The following NIPSNAP2 variants were observed in gnomAD, a reference collection of about 807,000 sequenced individuals.
NIPSNAP2 encodes the protein protein NipSnap homolog 2.
In NIPSNAP2, 42 loss-of-function variants were observed where a neutral mutation model predicts 48.4. The ratio of observed to expected loss-of-function variants is 0.87; its 90% confidence interval spans 0.68 to 1.12. The LOEUF (loss-of-function observed/expected upper bound fraction) is 1.12, where lower values mean the gene tolerates loss of function less well. NIPSNAP2 is among the 50% of genes most tolerant of loss of function. NIPSNAP2 has a pLI of 0.00. For synonymous variants in NIPSNAP2, 158 were observed against 126.6 expected (o/e 1.25, Z -1.67); for missense variants, 314 against 347.3 (o/e 0.90, Z 0.76).
At chr7:55,980,097 G>A (rs1207369524) in intron 3 of NIPSNAP2, 2 of 214,020 alleles carry the variant, frequency 9.3e-6, no homozygotes, top group African/African-American at 4.5e-5. Context: ...CGACGAAAAG[G>A]AAATGTTGGA....
intron 1 of NIPSNAP2, among the ~76,000 whole-genome samples, chr7:55,976,145 A>T (rs1301639174): frequency 1.3e-5 from 2 of 152,090 alleles, no homozygotes; most frequent in African/African-American, 2.4e-5. Flanking sequence ...AGGCCCAGTC[A>T]TGTTCCCCAG....
chr7:55,965,798 CT>C (rs1786881060), intron 1 of NIPSNAP2, among the ~76,000 whole-genome samples: 1 of 152,148 alleles, frequency 6.6e-6, no homozygotes, highest in Non-Finnish European at 1.5e-5. Flanking sequence ...TCAGGCTGAT[CT>C]CGAACTCCTG....
chr7:55,966,436 G>T (rs144221512), intron 1 of NIPSNAP2, among the ~76,000 whole-genome samples: 1 of 152,140 alleles, frequency 6.6e-6, no homozygotes, highest in East Asian at 1.9e-4. Flanking sequence ...GTGGAACTCT[G>T]TCCCTAATAA....
chr7:55,983,642 G>C (rs1356095084), intron 5 of NIPSNAP2, 86 bp from the exon 6 acceptor site: 13 of 1,389,908 alleles, frequency 9.4e-6, no homozygotes, highest in Non-Finnish European at 1.2e-5. Flanking sequence ...CCCTATTATA[G>C]TATTCTGTAG....
intron 3 of NIPSNAP2, chr7:55,979,863 G>A (rs1431551857): frequency 4.4e-6 from 2 of 456,392 alleles, no homozygotes; most frequent in Admixed American, 2.4e-5. Context: ...TACAAGTACT[G>A]CCTGCCTTAC....
intron 1 of NIPSNAP2, among the ~76,000 whole-genome samples, chr7:55,977,668 T>G (rs1787130092): frequency 6.6e-6 from 1 of 152,174 alleles, no homozygotes; most frequent in South Asian, 2.1e-4. Context: ...TTTTAACCAT[T>G]TTAAGCATAC....
At chr7:55,975,345 C>T (rs919201508) in intron 1 of NIPSNAP2, among the ~76,000 whole-genome samples, 4 of 151,884 alleles carry the variant, frequency 2.6e-5, no homozygotes, top group Non-Finnish European at 4.4e-5. Flanking sequence ...AGAGTAAGAG[C>T]CTGTCTCAAA....
At chr7:55,980,733 C>T (rs952361887) in intron 3 of NIPSNAP2, 1 of 152,240 alleles carries the variant, frequency 6.6e-6, no homozygotes, top group Non-Finnish European at 1.5e-5. Flanking sequence ...TGGCTTTGTC[C>T]CTGTCCCTGC....
intron 7 of NIPSNAP2, among the ~76,000 whole-genome samples, chr7:55,994,236 G>T (rs1258090236): frequency 4.6e-5 from 7 of 152,172 alleles, no homozygotes; most frequent in Admixed American, 4.6e-4. Flanking sequence ...TTCTGGAGAA[G>T]CAGTGCTTTT....
chr7:55,983,907 G>T (rs763679995), intron 6 of NIPSNAP2, 39 bp downstream of exon 6: 3 of 1,590,948 alleles, frequency 1.9e-6, no homozygotes, highest in African/African-American at 1.3e-5. Context: ...TTACTCCTCT[G>T]TGAAAAAGCA....
intron 3 of NIPSNAP2, 50 bp downstream of exon 3, chr7:55,978,445 TGTTA>T: frequency 2.0e-6 from 3 of 1,474,922 alleles, no homozygotes; most frequent in Non-Finnish European, 2.8e-6. Flanking sequence ...TGACTTTATT[TGTTA>T]GTTAATTCCA....
At chr7:55,989,965 A>G (rs1787410209) in intron 7 of NIPSNAP2, among the ~76,000 whole-genome samples, 1 of 151,464 alleles carries the variant, frequency 6.6e-6, no homozygotes, top group Non-Finnish European at 1.5e-5. Flanking sequence ...AAAAAAAAAA[A>G]AAATTAGCTG....
At chr7:55,969,581 G>A (rs1293349124) in intron 1 of NIPSNAP2, among the ~76,000 whole-genome samples, 2 of 152,276 alleles carry the variant, frequency 1.3e-5, no homozygotes, top group Middle Eastern at 3.4e-3. Context: ...AGTTGTGATC[G>A]TGTTTGTCTG....
At chr7:55,981,306 A>C in intron 3 of NIPSNAP2, 167 bp from the exon 4 acceptor site, 5 of 545,878 alleles carry the variant, frequency 9.2e-6, no homozygotes, top group Non-Finnish European at 1.7e-5. Context: ...GGAATACAAC[A>C]TAATTCAGCT....
At chr7:55,993,267 C>T (rs1264449986) in intron 7 of NIPSNAP2, among the ~76,000 whole-genome samples, 5 of 151,440 alleles carry the variant, frequency 3.3e-5, no homozygotes, top group East Asian at 1.9e-4. Context: ...CCACTGCACT[C>T]CTGAGTGGCA....
At chr7:55,982,584 TA>T (rs1041200732) in intron 5 of NIPSNAP2, among the ~76,000 whole-genome samples, 2 of 149,582 alleles carry the variant, frequency 1.3e-5, no homozygotes, top group African/African-American at 2.5e-5. Context: ...CTGTCTCTAC[TA>T]AAAAAAATAC....
chr7:55,979,733 GTTTT>G (rs1039331464), intron 3 of NIPSNAP2: 1 of 454,302 alleles, frequency 2.2e-6, no homozygotes, highest in Non-Finnish European at 4.4e-6. Context: ...TTTTCATCAC[GTTTT>G]TTCTTTTCTC....
At position 55,970,672 on chromosome 7, in the gene NIPSNAP2, C is replaced by G. The variant is rs149350321; in HGVS notation, c.92+5971C>G. 2.2e-3 allele frequency among the ~76,000 whole-genome samples: 336 copies of G among 152,188 alleles called. No homozygotes were observed. The Middle Eastern group carries it at 0.034, about 15-fold the overall frequency. On this transcript the variant is annotated intron_variant, in intron 1 of 9. Transcript: ENST00000322090. Reference sequence around the variant, plus strand: ...TCACCCTACACAGAATAAAGTCGCCCTCGCCTCGCCCTCACGGTCCTCCCA... The same window carrying G: ...TCACCCTACACAGAATAAAGTCGCCGTCGCCTCGCCCTCACGGTCCTCCCA...
At chr7:55,986,084 A>G (rs1787325872) in intron 7 of NIPSNAP2, among the ~76,000 whole-genome samples, 1 of 152,076 alleles carries the variant, frequency 6.6e-6, no homozygotes, top group African/African-American at 2.4e-5. Flanking sequence ...AAGACTGGGC[A>G]TGATGGCTCA....
Sources: gnomAD v4.1 joint callset for allele counts (sites outside exome capture counted in the v4.1 genomes callset) on GRCh38, gnomAD v4.1.1 for gene constraint, MANE v1.5 for transcripts, NCBI Gene and HGNC (gene_info 2026-07-23, HGNC 2026-07-21) for gene names.